LHX8: variants seen among roughly 807,000 people sequenced by gnomAD.
LHX8 encodes the protein LIM/homeobox protein Lhx8.
A neutral mutation model predicts 40.3 loss-of-function variants in LHX8; 12 were observed. The ratio of observed to expected loss-of-function variants is 0.30; its 90% CI spans 0.19 to 0.48. The LOEUF (loss-of-function observed/expected upper bound fraction) is 0.48. Ranked by LOEUF, LHX8 falls within the 20% of genes least tolerant of loss-of-function variation. The pLI, the probability that LHX8 is intolerant of heterozygous loss-of-function variation, is 0.99. For missense variants in LHX8, 344 were observed against 433.7 expected (o/e 0.79, Z 1.84); for synonymous variants, 179 against 162.0 (o/e 1.10, Z -0.80).
At chr1:75,137,372 G>A (rs1274246924) in intron 3 of LHX8, 111 bp downstream of exon 3, 11 of 1,067,184 alleles carry the variant, frequency 1.0e-5, no homozygotes, top group African/African-American at 1.6e-5. Context: ...TCTGGGTGAA[G>A]GTTGTAGGCT....
At chr1:75,137,549 G>C (rs1648188066) in intron 3 of LHX8, among the ~76,000 whole-genome samples, 1 of 152,172 alleles carries the variant, frequency 6.6e-6, no homozygotes, top group South Asian at 2.1e-4. Flanking sequence ...GCTTGTAGTG[G>C]AAGGGAAGTG....
At chr1:75,149,632 C>A (rs544491654) in intron 7 of LHX8, among the ~76,000 whole-genome samples, 1 of 152,010 alleles carries the variant, frequency 6.6e-6, no homozygotes, top group Non-Finnish European at 1.5e-5. Context: ...CTCACTGCAG[C>A]GACCTCCAGG....
At chr1:75,136,343 G>T (rs1648126911) in intron 1 of LHX8, among the ~76,000 whole-genome samples, 1 of 151,972 alleles carries the variant, frequency 6.6e-6, no homozygotes, top group Non-Finnish European at 1.5e-5. Flanking sequence ...CGACGTGCCC[G>T]GGTGAGCGCC....
At chr1:75,190,006 C>G in the LHX8 span, among the ~76,000 whole-genome samples, 1 of 152,276 alleles carries the variant, frequency 6.6e-6, no homozygotes, top group African/African-American at 2.4e-5. Flanking sequence ...ATGGCCCCTG[C>G]CTCCAGTTGC....
upstream of LHX8, chr1:75,130,703 C>G (rs41289234): frequency 0.026 from 41,199 of 1,613,382 alleles, 640 homozygotes; most frequent in Middle Eastern, 0.045. Flanking sequence ...GCTCTGCCAT[C>G]TCTGAGGGGT....
downstream of LHX8, among the ~76,000 whole-genome samples, chr1:75,164,598 C>T (rs1391587965): frequency 6.6e-6 from 1 of 152,012 alleles, no homozygotes; most frequent in Non-Finnish European, 1.5e-5. Flanking sequence ...TTTTTGGAAC[C>T]CTTGTCTGTC....
the LHX8 span, among the ~76,000 whole-genome samples, chr1:75,184,120 T>C: frequency 4.7e-3 from 718 of 152,296 alleles, 2 homozygotes; most frequent in Middle Eastern, 0.027. Flanking sequence ...GCACCCAGAT[T>C]CATAAACCAA....
chr1:75,177,777 T>G, the LHX8 span, among the ~76,000 whole-genome samples: 1,023 of 152,274 alleles, frequency 6.7e-3, 9 homozygotes, highest in African/African-American at 0.023. Flanking sequence ...ATGTTTCCAG[T>G]TTTTGCCCAT....
At chr1:75,155,161 C>G (rs1046089482) in intron 7 of LHX8, among the ~76,000 whole-genome samples, 1 of 151,768 alleles carries the variant, frequency 6.6e-6, no homozygotes, top group Non-Finnish European at 1.5e-5. Context: ...GCCTCTCTTT[C>G]CTCTCATGAC....
At chr1:75,181,061 T>C in the LHX8 span, among the ~76,000 whole-genome samples, 1 of 152,218 alleles carries the variant, frequency 6.6e-6, no homozygotes, top group Non-Finnish European at 1.5e-5. Flanking sequence ...CAAATATTGC[T>C]GCTGATCCTT....
the LHX8 span, among the ~76,000 whole-genome samples, chr1:75,178,983 TTGAG>T: frequency 6.6e-6 from 1 of 152,242 alleles, no homozygotes; most frequent in Non-Finnish European, 1.5e-5. Flanking sequence ...TTGTGTGGTT[TTGAG>T]TGAGTTCCTT....
chr1:75,150,032 A>G (rs570663783), intron 7 of LHX8, among the ~76,000 whole-genome samples: 1 of 152,164 alleles, frequency 6.6e-6, no homozygotes, highest in Non-Finnish European at 1.5e-5. Context: ...ACTTGAGTAC[A>G]GGAGTTTGAT....
the LHX8 span, among the ~76,000 whole-genome samples, chr1:75,177,352 A>C: frequency 6.6e-6 from 1 of 152,048 alleles, no homozygotes; most frequent in African/African-American, 2.4e-5. Context: ...TATTTCGTTG[A>C]TCAGTGGTTT....
chr1:75,195,747 C>T, the LHX8 span, among the ~76,000 whole-genome samples: 1 of 151,816 alleles, frequency 6.6e-6, no homozygotes, highest in Non-Finnish European at 1.5e-5. Flanking sequence ...TCATCTCTCT[C>T]TCCCCTCTCT....
the LHX8 span, among the ~76,000 whole-genome samples, chr1:75,190,222 C>T: frequency 1.3e-5 from 2 of 152,230 alleles, no homozygotes; most frequent in East Asian, 3.9e-4. Flanking sequence ...TAGACGGACT[C>T]TTTAACAAAT....
chr1:75,132,867 C>A (rs572922019), upstream of LHX8: 1 of 152,090 alleles, frequency 6.6e-6, no homozygotes, highest in African/African-American at 2.4e-5. Context: ...GACCTGATGG[C>A]GCCAATGTTC....
upstream of LHX8, chr1:75,131,951 C>T (rs749276501): frequency 6.6e-6 from 1 of 152,182 alleles, no homozygotes; most frequent in Non-Finnish European, 1.5e-5. Context: ...ATTGCTTTTC[C>T]ACCTGTGGAC....
chr1:75,151,463 A>C (rs1191052572), intron 7 of LHX8, among the ~76,000 whole-genome samples: 2 of 152,210 alleles, frequency 1.3e-5, no homozygotes, highest in Non-Finnish European at 2.9e-5. Flanking sequence ...ATTTATCTGG[A>C]GATAAGGCCA....
chr1:75,157,591 C>T (rs1267345340), intron 8 of LHX8, among the ~76,000 whole-genome samples: 1 of 152,208 alleles, frequency 6.6e-6, no homozygotes, highest in Admixed American at 6.5e-5. Flanking sequence ...TCTCTTATGT[C>T]TCCTTCCAAT....
Sources: allele counts gnomAD v4.1 joint callset (sites outside exome capture counted in the v4.1 genomes callset), GRCh38; gene constraint gnomAD v4.1.1; transcripts MANE v1.5; gene names NCBI Gene and HGNC (gene_info 2026-07-23, HGNC 2026-07-21).